The following KCNG3 variants were observed in gnomAD, a reference collection of about 807,000 sequenced individuals.
KCNG3 encodes potassium voltage-gated channel modifier subfamily G member 3.
In KCNG3, 15 loss-of-function variants were observed where a neutral mutation model predicts 29.0. The ratio of observed to expected loss-of-function variants is 0.52; its 90% CI spans 0.35 to 0.80. KCNG3 has a LOEUF of 0.80. Ranked by LOEUF, KCNG3 falls within the 30% of genes least tolerant of loss-of-function variation. The probability of loss-of-function intolerance (pLI) is 0.01; values close to 1 mark genes in which losing one functional copy is unlikely to be tolerated. For missense variants in KCNG3, 512 were observed against 605.7 expected (o/e 0.85, Z 1.62); for synonymous variants, 322 against 248.9 (o/e 1.29, Z -2.76).
chr2:42,444,479 T>C lies in KCNG3; in HGVS notation c.766A>G (p.Ile256Val), dbSNP rs564302109. 1 of 1,614,050 alleles carries C rather than the reference T, an allele frequency of 6.2e-7. No individual in the cohort carries two copies. The highest frequency in any genetic ancestry group is 8.5e-7 in the Non-Finnish European group (1 of 1,180,040). Residue 256 changes from isoleucine to valine, a missense_variant, in exon 2 of 2, where the codon ATC becomes GTC. Transcript: ENST00000306078. This position sits in a 1 kb window ranked among gnomAD's most constrained non-coding sequence, Gnocchi z 5.8. ...KCEFVKRPLN[I>V]IDLLAITPYY... ...GGCGTGATTGCCAGTAAATCAATGA[T>C]GTTCAGGGGTCTCTTGACAAACTCA...
At chr2:42,446,619 G>A (rs965958277) in intron 1 of KCNG3, among the ~76,000 whole-genome samples, 5 of 152,184 alleles carry the variant, frequency 3.3e-5, no homozygotes, top group Non-Finnish European at 7.3e-5. Flanking sequence ...GTAAGTGGGA[G>A]GAGAGTAGGT....
At chr2:42,393,647 T>C in the KCNG3 span, among the ~76,000 whole-genome samples, 1 of 152,132 alleles carries the variant, frequency 6.6e-6, no homozygotes, top group Admixed American at 6.5e-5. Flanking sequence ...GACTCCTATC[T>C]TTCTGTTGCT....
At chr2:42,488,548 T>C (rs1673785263) in intron 1 of KCNG3, among the ~76,000 whole-genome samples, 1 of 151,128 alleles carries the variant, frequency 6.6e-6, no homozygotes, top group Admixed American at 6.6e-5. Context: ...ATTCATTTTC[T>C]TTTCTTTTTT....
Position 42,492,944 on chromosome 2 carries a change from C to A in KCNG3, c.558G>T (p.Val186=). 2 of 1,588,410 alleles carry A rather than the reference C, an allele frequency of 1.3e-6. No individual in the cohort carries two copies. The highest frequency in any genetic ancestry group is 1.7e-6 in the Non-Finnish European group (2 of 1,171,044). The change falls in exon 1 of 2, where the codon GTG becomes GTT. Residue 186 remains valine (V), a synonymous_variant. Transcript: ENST00000306078. ...VSVVFVIVSM[V]VLCASTLPDW... ...CGGGCAACGTGCTGGCGCACAGCAC[C>A]ACCATGGACACGATCACGAACACCA...
In KCNG3 at chr2:42,444,987, GC is replaced by G. The variant is rs1672565187; in HGVS notation, c.666-409del. ...AGGCTAAGGTGGGAGGATCACCTGA[GC>G]CTGGGAAGGTCAAGGCCAGAGTGAG... On this transcript the variant is annotated intron_variant, in intron 1 of 1. Coordinates refer to ENST00000306078, the MANE Select transcript of KCNG3 (RefSeq NM_133329.6). This position sits in a 1 kb window ranked among gnomAD's most constrained non-coding sequence, Gnocchi z 5.8. 6.6e-6 allele frequency among the ~76,000 whole-genome samples: 1 copy of G among 150,928 alleles called. No homozygotes were observed. The highest frequency in any genetic ancestry group is 1.5e-5 in the Non-Finnish European group (1 of 67,888).
chr2:42,483,234 C>T (rs544110116), intron 1 of KCNG3, among the ~76,000 whole-genome samples: 1 of 152,220 alleles, frequency 6.6e-6, no homozygotes, highest in African/African-American at 2.4e-5. Flanking sequence ...CTATTCATTA[C>T]TAACTGCATA....
chr2:42,412,034 C>T, the KCNG3 span, among the ~76,000 whole-genome samples: 1 of 152,230 alleles, frequency 6.6e-6, no homozygotes, highest in Non-Finnish European at 1.5e-5. Flanking sequence ...CCCTTGTCCT[C>T]CTGCTGTGGT....
the KCNG3 span, among the ~76,000 whole-genome samples, chr2:42,401,703 G>A: frequency 6.6e-6 from 1 of 152,074 alleles, no homozygotes; most frequent in Non-Finnish European, 1.5e-5. Context: ...CTCCCAAAGT[G>A]CTGGGATTAC....
At chr2:42,457,417 C>T (rs1255811517) in intron 1 of KCNG3, among the ~76,000 whole-genome samples, 1 of 151,678 alleles carries the variant, frequency 6.6e-6, no homozygotes, top group Non-Finnish European at 1.5e-5. Flanking sequence ...TTCCTTGAGC[C>T]TGGGGAGGTT....
chr2:42,455,897 CTAAAA>C (rs1469828330), intron 1 of KCNG3, among the ~76,000 whole-genome samples: 3 of 149,974 alleles, frequency 2.0e-5, no homozygotes. Flanking sequence ...AGAAAACCAC[CTAAAA>C]TAATAATTAT....
the KCNG3 span, among the ~76,000 whole-genome samples, chr2:42,416,390 T>C: frequency 1.4e-4 from 21 of 152,122 alleles, no homozygotes; most frequent in African/African-American, 4.8e-4. Context: ...GGCAGGAAGA[T>C]TGCTTGTGCC....
At chr2:42,450,664 C>T (rs879873258) in intron 1 of KCNG3, among the ~76,000 whole-genome samples, 4 of 152,162 alleles carry the variant, frequency 2.6e-5, no homozygotes, top group Non-Finnish European at 4.4e-5. Flanking sequence ...TTCAGTTGGG[C>T]ACTGTGCTAA....
At chr2:42,427,547 A>G in the KCNG3 span, among the ~76,000 whole-genome samples, 5,403 of 152,156 alleles carry the variant, frequency 0.036, 129 homozygotes, top group Non-Finnish European at 0.053. Context: ...TTGAGGCTGC[A>G]GTGAGCCATT....
intron 1 of KCNG3, among the ~76,000 whole-genome samples, chr2:42,454,541 GT>G (rs1672834643): frequency 6.8e-6 from 1 of 147,806 alleles, no homozygotes; most frequent in Non-Finnish European, 1.5e-5. Context: ...GCAAAACCTC[GT>G]CTCTACTAAA....
At chr2:42,491,816 T>C (rs532185100) in intron 1 of KCNG3, among the ~76,000 whole-genome samples, 4 of 152,224 alleles carry the variant, frequency 2.6e-5, no homozygotes, top group Admixed American at 6.5e-5. Flanking sequence ...AACATGTACA[T>C]GCCTATCAGT....
At chr2:42,469,854 G>C in intron 1 of KCNG3, 1 of 212,584 alleles carries the variant, frequency 4.7e-6, no homozygotes, top group Non-Finnish European at 9.3e-6. Context: ...GGCCTGTCCT[G>C]GTTGGCTCTA....
At chr2:42,407,844 C>A in the KCNG3 span, among the ~76,000 whole-genome samples, 1 of 152,184 alleles carries the variant, frequency 6.6e-6, no homozygotes, top group Non-Finnish European at 1.5e-5. Context: ...AGGCAGGAAC[C>A]CCATCCCCGC....
chr2:42,430,167 G>C, the KCNG3 span, among the ~76,000 whole-genome samples: 14,835 of 151,930 alleles, frequency 0.098, 919 homozygotes, highest in Non-Finnish European at 0.14. Flanking sequence ...AGGAGTTCAA[G>C]ACCAGCCTGG....
intron 1 of KCNG3, among the ~76,000 whole-genome samples, chr2:42,452,572 G>A (rs1247473397): frequency 6.6e-6 from 1 of 151,518 alleles, no homozygotes; most frequent in Non-Finnish European, 1.5e-5. Context: ...CTATATTCAT[G>A]AGTTCACTTG....
Sources: allele counts gnomAD v4.1 joint callset (sites outside exome capture counted in the v4.1 genomes callset), GRCh38; gene constraint gnomAD v4.1.1; non-coding constraint Gnocchi (gnomAD v3.1); transcripts MANE v1.5; gene names NCBI Gene and HGNC (gene_info 2026-07-23, HGNC 2026-07-21).